SPDYE10: variants seen among roughly 807,000 people sequenced by gnomAD.
SPDYE10 encodes speedy protein E10.
chr7:73,122,866 G>A, the SPDYE10 span, among the ~76,000 whole-genome samples: 1 of 151,142 alleles, frequency 6.6e-6, no homozygotes, highest in African/African-American at 2.4e-5. Flanking sequence ...AGATGAGGCT[G>A]CTGTCAAGGG....
At chr7:73,135,356 C>A in the SPDYE10 span, among the ~76,000 whole-genome samples, 1 of 151,378 alleles carries the variant, frequency 6.6e-6, no homozygotes, top group Non-Finnish European at 1.5e-5. Context: ...ATACAAGCCA[C>A]AAAGGGAGCC....
chr7:73,137,689 GA>G, the SPDYE10 span, among the ~76,000 whole-genome samples: 68 of 58,590 alleles, frequency 1.2e-3, no homozygotes, highest in Admixed American at 9.0e-3. Flanking sequence ...GGAGGGGAGG[GA>G]GAGGGGAAGG....
chr7:73,132,425 T>C, the SPDYE10 span, among the ~76,000 whole-genome samples: 2 of 152,130 alleles, frequency 1.3e-5, no homozygotes, highest in African/African-American at 4.8e-5. Flanking sequence ...TATGTGCCTG[T>C]AGTCCCAGCT....
At chr7:73,137,634 G>GAA in the SPDYE10 span, among the ~76,000 whole-genome samples, 3 of 137,540 alleles carry the variant, frequency 2.2e-5, no homozygotes, top group Non-Finnish European at 4.7e-5. Context: ...AAGAAAGAAA[G>GAA]AAAGAAAGGA....
chr7:73,123,980 G>A, the SPDYE10 span, among the ~76,000 whole-genome samples: 1 of 150,984 alleles, frequency 6.6e-6, no homozygotes, highest in Admixed American at 6.6e-5. Flanking sequence ...GTTTCGCCGT[G>A]TTGCCCAGGC....
chr7:73,141,638 T>G, the SPDYE10 span, among the ~76,000 whole-genome samples: 4 of 98,930 alleles, frequency 4.0e-5, no homozygotes, highest in African/African-American at 8.6e-5. Context: ...TATAATCCCA[T>G]CACTTTGGGA....
the SPDYE10 span, among the ~76,000 whole-genome samples, chr7:73,117,081 GT>G: frequency 2.2e-5 from 1 of 44,744 alleles, no homozygotes; most frequent in Non-Finnish European, 8.3e-5. Context: ...TTTTTTTTTT[GT>G]TGTTGTTGTT....
At chr7:73,131,770 A>T in the SPDYE10 span, among the ~76,000 whole-genome samples, 11 of 151,874 alleles carry the variant, frequency 7.2e-5, no homozygotes, top group Non-Finnish European at 1.3e-4. Flanking sequence ...CCTGACCTCA[A>T]GTGATCCCCC....
the SPDYE10 span, among the ~76,000 whole-genome samples, chr7:73,150,948 ATTTT>A: frequency 3.8e-3 from 19 of 4,942 alleles, 1 homozygote; most frequent in East Asian, 0.016. Context: ...ATATATATAT[ATTTT>A]TTTTTTTTTA....
chr7:73,135,126 C>G, the SPDYE10 span, among the ~76,000 whole-genome samples: 1 of 152,190 alleles, frequency 6.6e-6, no homozygotes, highest in Admixed American at 6.5e-5. Context: ...CTGCTCAGCC[C>G]TGGGGCAGCC....
the SPDYE10 span, among the ~76,000 whole-genome samples, chr7:73,126,532 AAAAG>A: frequency 5.1e-5 from 7 of 136,692 alleles, no homozygotes; most frequent in East Asian, 6.0e-4. Flanking sequence ...AAAAAAAAGG[AAAAG>A]AAAGAAAAAA....
the SPDYE10 span, among the ~76,000 whole-genome samples, chr7:73,143,030 GGAA>G: frequency 7.2e-6 from 1 of 138,198 alleles, no homozygotes; most frequent in Non-Finnish European, 1.6e-5. Context: ...AAGGAAGGAA[GGAA>G]AGAAGGAAGG....
chr7:73,114,858 A>G, the SPDYE10 span, among the ~76,000 whole-genome samples: 7 of 147,476 alleles, frequency 4.7e-5, no homozygotes, highest in Admixed American at 1.3e-4. Flanking sequence ...GCTTGATGAA[A>G]ATCCTGGTTT....
the SPDYE10 span, among the ~76,000 whole-genome samples, chr7:73,154,146 T>C: frequency 3.6e-5 from 5 of 137,096 alleles, no homozygotes; most frequent in Admixed American, 1.4e-4. Flanking sequence ...AGACGCACTT[T>C]ACATTTTCCC....
chr7:73,137,647 A>AAGG, the SPDYE10 span, among the ~76,000 whole-genome samples: 7 of 130,450 alleles, frequency 5.4e-5, no homozygotes, highest in South Asian at 2.7e-4. Context: ...AGAAAGGAGA[A>AAGG]AGAAAGAAAA....
At chr7:73,122,883 A>G in the SPDYE10 span, among the ~76,000 whole-genome samples, 1 of 151,730 alleles carries the variant, frequency 6.6e-6, no homozygotes, top group Non-Finnish European at 1.5e-5. Flanking sequence ...AGGGACTGCA[A>G]ATCTGCTTGA....
the SPDYE10 span, among the ~76,000 whole-genome samples, chr7:73,145,742 GAAGAC>G: frequency 6.7e-6 from 1 of 148,440 alleles, no homozygotes; most frequent in African/African-American, 2.5e-5. Context: ...CTCACCTTGT[GAAGAC>G]AAGGCTTGTG....
the SPDYE10 span, among the ~76,000 whole-genome samples, chr7:73,134,541 G>GAAAGAAAGAAAGAA: frequency 6.6e-6 from 1 of 151,446 alleles, no homozygotes; most frequent in Admixed American, 6.6e-5. Context: ...GAAAGAAAAA[G>GAAAGAAAGAAAGAA]AAAGAAAGAA....
chr7:73,123,958 T>C, the SPDYE10 span, among the ~76,000 whole-genome samples: 14 of 151,832 alleles, frequency 9.2e-5, no homozygotes, highest in African/African-American at 3.4e-4. Flanking sequence ...TTTGTTTTTT[T>C]GTAGAGATAG....
Sources: gnomAD v4.1 joint callset for allele counts (sites outside exome capture counted in the v4.1 genomes callset) on GRCh38, gnomAD v4.1.1 for gene constraint, MANE v1.5 for transcripts, NCBI Gene and HGNC (gene_info 2026-07-23, HGNC 2026-07-21) for gene names.